TMOD3: variants seen among roughly 807,000 people sequenced by gnomAD.
The protein encoded by TMOD3 is tropomodulin 3.
A neutral mutation model predicts 39.2 loss-of-function variants in TMOD3; 20 were observed. That is an observed-to-expected ratio of 0.51 (90% CI 0.36 to 0.74). The LOEUF (loss-of-function observed/expected upper bound fraction) is 0.74. TMOD3 is among the 30% of genes least tolerant of loss of function. TMOD3 has a pLI of 0.00. For missense variants in TMOD3, 381 were observed against 412.8 expected, an observed-to-expected ratio of 0.92 and a Z score of 0.67; for synonymous variants, 143 against 145.8, an observed-to-expected ratio of 0.98 and a Z score of 0.14.
intron 3 of TMOD3, among the ~76,000 whole-genome samples, chr15:51,876,002 T>G (rs1391145384): frequency 2.0e-5 from 3 of 152,210 alleles, no homozygotes; most frequent in Non-Finnish European, 4.4e-5. Flanking sequence ...GTCCCCTTGA[T>G]GAATTGTCCC....
intron 1 of TMOD3, among the ~76,000 whole-genome samples, chr15:51,861,952 G>A (rs2056421436): frequency 6.6e-6 from 1 of 152,096 alleles, no homozygotes; most frequent in Non-Finnish European, 1.5e-5. Context: ...CCAGTACTAG[G>A]TATATTTTAT....
rs1298572611 is a variant in TMOD3, at chr15:51,875,339, A to G, written c.283+5966A>G. On this transcript the variant is annotated intron_variant, in intron 3 of 9. Coordinates refer to ENST00000308580, the MANE Select transcript of TMOD3 (RefSeq NM_014547.5). Reference sequence around the variant, plus strand: ...TAAATGTCCCTTGTAGACCTCTGAAAAGTGGTCTTCCCAGGCACTGAAGCT... The same window carrying G: ...TAAATGTCCCTTGTAGACCTCTGAAGAGTGGTCTTCCCAGGCACTGAAGCT... The G allele has an allele frequency of 2.0e-5, 3 of 152,182 alleles. No homozygotes were observed. In the East Asian group the frequency reaches 5.8e-4, roughly 29 times the overall value. 9.4% of individuals were successfully genotyped at this position (152,182 alleles called of 1,614,324 possible).
rs138634739 is a variant in TMOD3, at chr15:51,880,668, C to G, written c.284-6921C>G. Among the ~76,000 whole-genome samples the G allele has an allele frequency of 8.9e-4, 135 of 152,196 alleles. 2 individuals carry two copies. In the East Asian group the frequency reaches 0.024, roughly 28 times the overall value. On this transcript the variant is annotated intron_variant, in intron 3 of 9. Coordinates refer to ENST00000308580, the MANE Select transcript of TMOD3 (RefSeq NM_014547.5). ...TTACAGTGTGTGTCAATACTTCATT[C>G]TTTTTTATGGCTGAATAATATTTTA...
chr15:51,860,781 C>A (rs2056413640), intron 1 of TMOD3: 1 of 364,446 alleles, frequency 2.7e-6, no homozygotes, highest in Non-Finnish European at 5.3e-6. Context: ...ACTAAAAATA[C>A]AAAAATTAGC....
At chr15:51,857,401 G>A (rs913447794) in intron 1 of TMOD3, among the ~76,000 whole-genome samples, 8 of 152,136 alleles carry the variant, frequency 5.3e-5, no homozygotes, top group Non-Finnish European at 1.2e-4. Flanking sequence ...GCTTTGTGTA[G>A]TAGATTTTAC....
chr15:51,911,620 G>A lies in TMOD3; in HGVS notation c.*2810G>A, dbSNP rs1024169098. 2 of 151,942 alleles carry A rather than the reference G, an allele frequency of 1.3e-5. No homozygotes were observed. The highest frequency in any genetic ancestry group is 2.9e-5 in the Non-Finnish European group (2 of 67,968). The allele number at this position is 151,942 out of a possible 1,614,324, so 9.4% of individuals were successfully genotyped here. On this transcript the variant is annotated 3_prime_UTR_variant, in exon 10 of 10. Transcript: ENST00000308580. ...GTTTTGTAGTCTAACCAGCTTATGTGGTTATTTAAAAGAATATTCTTTGTG... is the reference window on the plus strand; with the variant it reads ...GTTTTGTAGTCTAACCAGCTTATGTAGTTATTTAAAAGAATATTCTTTGTG...
At chr15:51,833,762 G>A (rs765807569) in intron 1 of TMOD3, among the ~76,000 whole-genome samples, 64 of 152,274 alleles carry the variant, frequency 4.2e-4, no homozygotes, top group Non-Finnish European at 8.1e-4. Context: ...TCTCCTTGAT[G>A]GATATTTGGA....
intron 3 of TMOD3, among the ~76,000 whole-genome samples, chr15:51,873,688 G>A (rs2056487429): frequency 6.6e-6 from 1 of 151,718 alleles, no homozygotes; most frequent in Non-Finnish European, 1.5e-5. Context: ...TTATTTTAAA[G>A]GATCTATCAG....
chr15:51,852,239 G>C (rs181579196), intron 1 of TMOD3, among the ~76,000 whole-genome samples: 2 of 152,236 alleles, frequency 1.3e-5, no homozygotes, highest in Non-Finnish European at 2.9e-5. Context: ...GGAATCTTGA[G>C]ATCAAAAAAA....
chr15:51,868,477 G>A (rs2056458565), intron 2 of TMOD3, among the ~76,000 whole-genome samples: 1 of 151,972 alleles, frequency 6.6e-6, no homozygotes, highest in Non-Finnish European at 1.5e-5. Context: ...CAATATGTGT[G>A]CTTTATATGT....
chr15:51,861,218 G>T, intron 1 of TMOD3: 1 of 460,456 alleles, frequency 2.2e-6, no homozygotes, highest in South Asian at 1.8e-5. Flanking sequence ...CTGCATGACT[G>T]AACAGTCCAA....
At chr15:51,838,929 A>T (rs2056299685) in intron 1 of TMOD3, among the ~76,000 whole-genome samples, 1 of 152,108 alleles carries the variant, frequency 6.6e-6, no homozygotes, top group Admixed American at 6.6e-5. Flanking sequence ...TTAGATTGAG[A>T]GTGGTGACCC....
chr15:51,886,581 A>C (rs951483301), intron 3 of TMOD3, among the ~76,000 whole-genome samples: 3 of 152,152 alleles, frequency 2.0e-5, no homozygotes, highest in African/African-American at 7.2e-5. Flanking sequence ...CAGGAGAATC[A>C]GGCAGGGAGG....
intron 1 of TMOD3, among the ~76,000 whole-genome samples, chr15:51,837,917 T>C (rs936498691): frequency 6.6e-6 from 1 of 152,194 alleles, no homozygotes; most frequent in Admixed American, 6.5e-5. Context: ...TGCCTGAATC[T>C]GGTATAGCAC....
intron 5 of TMOD3, among the ~76,000 whole-genome samples, chr15:51,891,711 T>C (rs966652447): frequency 9.9e-5 from 15 of 151,594 alleles, no homozygotes; most frequent in Non-Finnish European, 2.1e-4. Flanking sequence ...TTTGGTTTTA[T>C]AAAATTAGAA....
chr15:51,861,857 G>T (rs2056420883), intron 1 of TMOD3, among the ~76,000 whole-genome samples: 1 of 151,952 alleles, frequency 6.6e-6, no homozygotes, highest in African/African-American at 2.4e-5. Context: ...TGCCCAGGCT[G>T]CTCTTAAACT....
intron 5 of TMOD3, among the ~76,000 whole-genome samples, chr15:51,892,807 A>G (rs1170497506): frequency 6.6e-6 from 1 of 152,148 alleles, no homozygotes; most frequent in African/African-American, 2.4e-5. Flanking sequence ...TCATACTATT[A>G]TTTTATCTTA....
intron 6 of TMOD3, 74 bp from the exon 7 acceptor site, chr15:51,896,345 A>G (rs2056620506): frequency 2.8e-6 from 3 of 1,077,780 alleles, no homozygotes; most frequent in Admixed American, 2.2e-5. Flanking sequence ...AAAAAAAACC[A>G]TATATTTGAT....
At chr15:51,905,270 G>C (rs2056672544) in intron 9 of TMOD3, among the ~76,000 whole-genome samples, 1 of 152,210 alleles carries the variant, frequency 6.6e-6, no homozygotes, top group South Asian at 2.1e-4. Context: ...GACCAAGGTG[G>C]GTGGATCACC....
Sources: gnomAD v4.1 joint callset for allele counts (sites outside exome capture counted in the v4.1 genomes callset) on GRCh38, gnomAD v4.1.1 for gene constraint, MANE v1.5 for transcripts, NCBI Gene and HGNC (gene_info 2026-07-23, HGNC 2026-07-21) for gene names.